Variants in P3H2 observed in about 807,000 individuals in gnomAD.
P3H2 encodes the protein leprecan-like 1.
In P3H2, 80 loss-of-function variants were observed where a neutral mutation model predicts 87.0. That is an observed-to-expected ratio of 0.92 (90% confidence interval 0.77 to 1.11). P3H2 has a LOEUF of 1.11. P3H2 is among the 50% of genes least tolerant of loss of function. P3H2 has a pLI of 0.00. For synonymous variants in P3H2, 367 were observed against 359.3 expected, an observed-to-expected ratio of 1.02 and a Z score of -0.24; for missense variants, 1,001 against 923.9, an observed-to-expected ratio of 1.08 and a Z score of -1.08.
At chr3:190,001,054 C>T (rs904528310) in intron 1 of P3H2, among the ~76,000 whole-genome samples, 12 of 152,160 alleles carry the variant, frequency 7.9e-5, no homozygotes, top group Admixed American at 5.2e-4. Context: ...CCTTTCTCTT[C>T]GTCTATTTTG....
intron 1 of P3H2, among the ~76,000 whole-genome samples, chr3:190,114,745 GA>G (rs1269531875): frequency 6.6e-6 from 1 of 152,166 alleles, no homozygotes; most frequent in Admixed American, 6.5e-5. Flanking sequence ...TTGTTAAAGA[GA>G]GGGGGGAAAA....
chr3:190,100,238 G>GC (rs776308851), intron 1 of P3H2, among the ~76,000 whole-genome samples: 8,365 of 67,168 alleles, frequency 0.12, 429 homozygotes, highest in East Asian at 0.2. Context: ...TCCGTCCCCC[G>GC]CCCCCCCCGC....
Position 190,020,428 on chromosome 3 carries a change from A to T in P3H2, c.481-24986T>A, listed in dbSNP as rs1322287104. On this transcript the variant is annotated intron_variant, in intron 1 of 14. Transcript: ENST00000319332. The stretch of plus-strand genomic sequence containing the variant: ...ATCCAAACATGTTTTTCTTCTTTTT[A>T]AAAAAATAAAGCAGCTTACTGGATT... 1.0e-4 allele frequency among the ~76,000 whole-genome samples: 14 copies of T among 134,642 alleles called. 3 individuals carry two copies. The highest frequency in any genetic ancestry group is 1.8e-4 in the Non-Finnish European group (11 of 60,246). The allele number at this position is 134,642 out of a possible 152,430, so 88.3% of individuals were successfully genotyped here.
intron 1 of P3H2, among the ~76,000 whole-genome samples, chr3:190,088,248 G>C (rs1727291477): frequency 6.6e-6 from 1 of 152,116 alleles, no homozygotes; most frequent in Non-Finnish European, 1.5e-5. Flanking sequence ...TATTTCCTCA[G>C]AATATTATTA....
chr3:190,078,121 G>C (rs543174350), intron 1 of P3H2, among the ~76,000 whole-genome samples: 13 of 152,296 alleles, frequency 8.5e-5, no homozygotes, highest in Non-Finnish European at 1.5e-4. Context: ...AGGGCTAATG[G>C]AGTAGAACTA....
intron 1 of P3H2, among the ~76,000 whole-genome samples, chr3:190,033,595 C>T (rs1725324787): frequency 6.6e-6 from 1 of 152,088 alleles, no homozygotes; most frequent in African/African-American, 2.4e-5. Flanking sequence ...AGGATCCATT[C>T]TGTATTGTTT....
At chr3:190,045,067 G>T (rs1480930539) in intron 1 of P3H2, among the ~76,000 whole-genome samples, 17 of 152,138 alleles carry the variant, frequency 1.1e-4, no homozygotes, top group Admixed American at 1.1e-3. Flanking sequence ...GCCCAGGAGA[G>T]AAAATACGTT....
At chr3:190,028,735 T>C (rs1441993242) in intron 1 of P3H2, among the ~76,000 whole-genome samples, 1 of 152,256 alleles carries the variant, frequency 6.6e-6, no homozygotes, top group Non-Finnish European at 1.5e-5. Flanking sequence ...GGAGACACTC[T>C]ATGTTTTACA....
chr3:190,080,347 G>C (rs1372811789), intron 1 of P3H2, among the ~76,000 whole-genome samples: 1 of 152,158 alleles, frequency 6.6e-6, no homozygotes, highest in African/African-American at 2.4e-5. Context: ...CACAACATCT[G>C]ATCATGTTGG....
intron 1 of P3H2, among the ~76,000 whole-genome samples, chr3:190,077,443 C>CT (rs993963758): frequency 9.2e-5 from 14 of 152,262 alleles, no homozygotes; most frequent in Admixed American, 2.6e-4. Flanking sequence ...CCTTCTTTCT[C>CT]TTTTTTACAC....
intron 3 of P3H2, 127 bp downstream of exon 3, chr3:189,993,967 G>T: frequency 1.3e-6 from 1 of 762,652 alleles, no homozygotes; most frequent in Non-Finnish European, 2.1e-6. Flanking sequence ...AGATAGGCTG[G>T]GATAGACACA....
intron 8 of P3H2, among the ~76,000 whole-genome samples, chr3:189,975,550 C>T (rs1054571515): frequency 3.3e-5 from 5 of 152,202 alleles, no homozygotes; most frequent in Admixed American, 6.5e-5. Context: ...ATTTATAACA[C>T]TCCCAAGGGG....
intron 1 of P3H2, among the ~76,000 whole-genome samples, chr3:190,108,826 G>A (rs1711955124): frequency 6.6e-6 from 1 of 152,038 alleles, no homozygotes; most frequent in Non-Finnish European, 1.5e-5. Flanking sequence ...AGCATTTTTT[G>A]TTTGAGATCT....
intron 1 of P3H2, among the ~76,000 whole-genome samples, chr3:190,072,251 T>C (rs1169523282): frequency 6.6e-6 from 1 of 152,180 alleles, no homozygotes; most frequent in East Asian, 1.9e-4. Context: ...GGTCTTGAAC[T>C]CCTGACCTTA....
rs1162394355 is a variant in P3H2 at position 189,989,120 on chromosome 3, T to C, written c.824-82A>G. 3 of 1,541,054 alleles carry C rather than the reference T, an allele frequency of 1.9e-6. No individual in the cohort carries two copies. The African/African-American group carries it at 4.1e-5, about 21-fold the overall frequency. On this transcript the variant is annotated intron_variant, in intron 3 of 14. Transcript: ENST00000319332. ...AACGTCACAGCCACAGTTACACAGG[T>C]CATTCCTCACCTCACCACACTGGAA...
chr3:189,985,037 G>T lies in P3H2; in HGVS notation c.1189-447C>A, dbSNP rs188233115. ...TCTCTTGGATAACATAATTTTAAAAGAATAATAAGTAAGGCCCGATATAAA... is the reference window on the plus strand; with the variant it reads ...TCTCTTGGATAACATAATTTTAAAATAATAATAAGTAAGGCCCGATATAAA... On this transcript the variant is annotated intron_variant, in intron 6 of 14. Coordinates refer to ENST00000319332, the MANE Select transcript of P3H2 (RefSeq NM_018192.4). 7.5e-3 allele frequency among the ~76,000 whole-genome samples: 1,144 copies of T among 151,840 alleles called. 9 individuals carry two copies. The highest frequency in any genetic ancestry group is 0.021 in the South Asian group (100 of 4,818).
chr3:189,994,731 T>C (rs1723994237), intron 2 of P3H2, among the ~76,000 whole-genome samples: 2 of 150,048 alleles, frequency 1.3e-5, no homozygotes, highest in Admixed American at 1.3e-4. Context: ...GGAGGCTACA[T>C]GTTGAGAATG....
chr3:189,975,823 G>A (rs1486344768), intron 8 of P3H2, among the ~76,000 whole-genome samples: 1 of 152,222 alleles, frequency 6.6e-6, no homozygotes, highest in Non-Finnish European at 1.5e-5. Context: ...AATATTAAAA[G>A]CATGAGGCAG....
chr3:189,998,302 G>A lies in P3H2; in HGVS notation c.481-2860C>T, dbSNP rs192212207. Among the ~76,000 whole-genome samples, 10 of 152,294 alleles carry A rather than the reference G, an allele frequency of 6.6e-5. 1 individual carries two copies. The South Asian group carries it at 8.3e-4, about 13-fold the overall frequency. ...ATACTCTGATTCTACAGCACTAGACGTTAAAGTTAATGGAACACAAATAAA... is the reference window on the plus strand; with the variant it reads ...ATACTCTGATTCTACAGCACTAGACATTAAAGTTAATGGAACACAAATAAA... On this transcript the variant is annotated intron_variant, in intron 1 of 14. Transcript: ENST00000319332.
Sources: allele counts gnomAD v4.1 joint callset (sites outside exome capture counted in the v4.1 genomes callset), GRCh38; gene constraint gnomAD v4.1.1; transcripts MANE v1.5; gene names NCBI Gene and HGNC (gene_info 2026-07-23, HGNC 2026-07-21).